Variants in LIN52 observed in about 807,000 individuals in gnomAD.
LIN52 encodes the protein lin-52 DREAM MuvB core complex component.
LIN52 carries 4 observed loss-of-function variants against 18.5 expected under a neutral mutation model. The observed-to-expected ratio is 0.22, with a 90% confidence interval of 0.11 to 0.49. LIN52 has a LOEUF of 0.49. LIN52 is among the 20% of genes least tolerant of loss of function. The pLI, the probability that LIN52 is intolerant of heterozygous loss-of-function variation, is 0.97. For missense variants in LIN52, 102 were observed against 139.5 expected, an observed-to-expected ratio of 0.73 and a Z score of 1.35; for synonymous variants, 34 against 45.5, an observed-to-expected ratio of 0.75 and a Z score of 1.02.
intron 5 of LIN52, among the ~76,000 whole-genome samples, chr14:74,123,033 T>C (rs1448016193): frequency 6.6e-6 from 1 of 152,204 alleles, no homozygotes; most frequent in Non-Finnish European, 1.5e-5. Context: ...GCCTTATTTA[T>C]AAAACTCTTA....
In LIN52 at chr14:74,182,447, A is replaced by C. The variant is rs937516546; in HGVS notation, c.284-16475A>C. 3.2e-5 allele frequency among the ~76,000 whole-genome samples: 4 copies of C among 123,496 alleles called. No individual in the cohort carries two copies. The South Asian group carries it at 1.0e-3, about 31-fold the overall frequency. 81.0% of individuals were successfully genotyped at this position (123,496 alleles called of 152,430 possible). A position where few individuals can be genotyped will look rare whatever the true frequency, so the allele number is the denominator to read the frequency against. ...CACAATGCAAACAATTAAAAATCAA[A>C]TTATCAGTTAAATTATCAGCTAAGT... On this transcript the variant is annotated intron_variant, in intron 5 of 5. Transcript: ENST00000555028.
chr14:74,105,875 TTA>T (rs1370368063), intron 5 of LIN52, among the ~76,000 whole-genome samples: 1 of 152,230 alleles, frequency 6.6e-6, no homozygotes, highest in African/African-American at 2.4e-5. Context: ...AGTATAAAAA[TTA>T]TATGAACCTT....
At chr14:74,121,911 C>T (rs1007613297) in intron 5 of LIN52, among the ~76,000 whole-genome samples, 5 of 151,616 alleles carry the variant, frequency 3.3e-5, no homozygotes, top group East Asian at 1.9e-4. Context: ...TTAGTGGAGA[C>T]GGGGTTTCAC....
chr14:74,147,308 C>T (rs527343870), intron 5 of LIN52, among the ~76,000 whole-genome samples: 1 of 152,178 alleles, frequency 6.6e-6, no homozygotes, highest in South Asian at 2.1e-4. Context: ...AAATTGGACC[C>T]TCTACCTCAT....
chr14:74,187,393 A>AT (rs1019401015), intron 5 of LIN52, among the ~76,000 whole-genome samples: 8 of 151,422 alleles, frequency 5.3e-5, no homozygotes, highest in East Asian at 1.9e-4. Flanking sequence ...AGAAATACAT[A>AT]TTTTTTTTTC....
intron 5 of LIN52, among the ~76,000 whole-genome samples, chr14:74,103,973 A>G (rs1359847847): frequency 1.3e-5 from 2 of 148,378 alleles, no homozygotes; most frequent in Admixed American, 1.4e-4. Context: ...ATCTTGGCTC[A>G]CTGCAACCTC....
chr14:74,187,922 C>A (rs1459611563), intron 5 of LIN52, among the ~76,000 whole-genome samples: 2 of 152,200 alleles, frequency 1.3e-5, no homozygotes, highest in Non-Finnish European at 2.9e-5. Context: ...GGAGAGCCTA[C>A]ATAATTCATC....
chr14:74,095,865 A>T, intron 2 of LIN52, 83 bp from the exon 3 acceptor site: 6 of 830,818 alleles, frequency 7.2e-6, no homozygotes, highest in African/African-American at 1.7e-5. Flanking sequence ...GAAAACAGAC[A>T]AAGCTGTTTT....
At chr14:74,147,245 C>A (rs888590831) in intron 5 of LIN52, among the ~76,000 whole-genome samples, 2 of 151,818 alleles carry the variant, frequency 1.3e-5, no homozygotes, top group East Asian at 3.9e-4. Context: ...GCAGTAAGAG[C>A]GAAACTTCAT....
In LIN52 at chr14:74,148,290, A is replaced by G. The variant is rs17097179; in HGVS notation, c.283+47052A>G. On this transcript the variant is annotated intron_variant, in intron 5 of 5. Coordinates refer to ENST00000555028, the MANE Select transcript of LIN52 (RefSeq NM_001024674.3). ...ATCTGGGACCCTACCAAAGGTTCAC[A>G]TCTATTTCTTAAGATTTTGATATTA... Among the ~76,000 whole-genome samples the G allele has an allele frequency of 8.8e-3, 1,341 of 152,268 alleles. 20 individuals carry two copies. Among genetic ancestry groups the G allele is most frequent in the African/African-American group, 0.031 (1,283 of 41,556 alleles).
chr14:74,178,660 A>G (rs2061303670), intron 5 of LIN52, among the ~76,000 whole-genome samples: 1 of 151,406 alleles, frequency 6.6e-6, no homozygotes, highest in African/African-American at 2.4e-5. Flanking sequence ...GGGTTTCGCC[A>G]TATTGGCCAG....
At chr14:74,196,913 G>C (rs1480514066) in intron 5 of LIN52, among the ~76,000 whole-genome samples, 1 of 152,180 alleles carries the variant, frequency 6.6e-6, no homozygotes, top group African/African-American at 2.4e-5. Flanking sequence ...GCTGCTAAGT[G>C]CTAGAGCTGA....
intron 5 of LIN52, chr14:74,174,857 A>C (rs1223471986): frequency 6.6e-6 from 1 of 151,794 alleles, no homozygotes; most frequent in Non-Finnish European, 1.5e-5. Context: ...AAATTAAAAA[A>C]TTAGCCAGGT....
At chr14:74,154,843 C>G (rs1027841275) in intron 5 of LIN52, among the ~76,000 whole-genome samples, 3 of 152,054 alleles carry the variant, frequency 2.0e-5, no homozygotes, top group Admixed American at 6.6e-5. Context: ...TGTGTTCCGG[C>G]CTGGTGTTGG....
At chr14:74,100,798 C>T (rs2060848740) in intron 4 of LIN52, among the ~76,000 whole-genome samples, 1 of 152,108 alleles carries the variant, frequency 6.6e-6, no homozygotes, top group African/African-American at 2.4e-5. Flanking sequence ...TATTTTTATA[C>T]AGGTGAGGTA....
chr14:74,137,508 T>A (rs903669681), intron 5 of LIN52, among the ~76,000 whole-genome samples: 1 of 145,530 alleles, frequency 6.9e-6, no homozygotes, highest in African/African-American at 2.6e-5. Flanking sequence ...CTTTTTTTTT[T>A]TTTTTTTTGA....
chr14:74,197,994 A>T (rs1174107726), intron 5 of LIN52, among the ~76,000 whole-genome samples: 1 of 152,046 alleles, frequency 6.6e-6, no homozygotes, highest in Non-Finnish European at 1.5e-5. Flanking sequence ...CACACAGCCT[A>T]CCCCGTGCCT....
At chr14:74,121,324 A>G (rs1176241834) in intron 5 of LIN52, among the ~76,000 whole-genome samples, 1 of 152,216 alleles carries the variant, frequency 6.6e-6, no homozygotes, top group Non-Finnish European at 1.5e-5. Flanking sequence ...GATTTACTCT[A>G]TATTTCTTAT....
intron 4 of LIN52, 77 bp from the exon 5 acceptor site, chr14:74,101,076 CAA>C (rs2060850849): frequency 1.8e-6 from 2 of 1,128,272 alleles, no homozygotes; most frequent in Non-Finnish European, 2.6e-6. Context: ...ACTTGTATAA[CAA>C]GAGTTCCCAA....
Sources: allele counts gnomAD v4.1 joint callset (sites outside exome capture counted in the v4.1 genomes callset), GRCh38; gene constraint gnomAD v4.1.1; transcripts MANE v1.5; gene names NCBI Gene and HGNC (gene_info 2026-07-23, HGNC 2026-07-21).